The following ANXA10 variants were observed in gnomAD, a reference collection of about 807,000 sequenced individuals.
ANXA10 encodes the protein annexin A10.
A neutral mutation model predicts 53.5 loss-of-function variants in ANXA10; 49 were observed. The observed-to-expected ratio is 0.92, with a 90% CI of 0.73 to 1.16. ANXA10 has a LOEUF of 1.16. Among genes scored for constraint, ANXA10 ranks in the 50% most tolerant of loss-of-function variants. The probability of loss-of-function intolerance (pLI) is 0.00; values close to 1 mark genes in which losing one functional copy is unlikely to be tolerated. For missense variants in ANXA10, 393 were observed against 394.4 expected (o/e 1.00, Z 0.03); for synonymous variants, 131 against 128.9 (o/e 1.02, Z -0.11).
intron 3 of ANXA10, among the ~76,000 whole-genome samples, chr4:168,152,817 A>T (rs915786955): frequency 6.7e-6 from 1 of 148,658 alleles, no homozygotes; most frequent in Non-Finnish European, 1.5e-5. Flanking sequence ...TAATATATAA[A>T]TAATATCTAT....
chr4:168,133,172 G>C (rs1321502522), intron 2 of ANXA10, among the ~76,000 whole-genome samples: 1 of 152,040 alleles, frequency 6.6e-6, no homozygotes, highest in Non-Finnish European at 1.5e-5. Context: ...TAGTGCTGAA[G>C]TACTGCCTAG....
chr4:168,117,788 C>T (rs1242046694), intron 1 of ANXA10, among the ~76,000 whole-genome samples: 1 of 152,154 alleles, frequency 6.6e-6, no homozygotes. Context: ...TGTTTACCAA[C>T]TTATTCCACT....
At chr4:168,099,289 T>C (rs2149463868) in intron 1 of ANXA10, among the ~76,000 whole-genome samples, 1 of 152,268 alleles carries the variant, frequency 6.6e-6, no homozygotes, top group South Asian at 2.1e-4. Context: ...TTCATTTAGT[T>C]GCCAGTCTGA....
intron 3 of ANXA10, among the ~76,000 whole-genome samples, chr4:168,145,840 G>A (rs1731397502): frequency 6.6e-6 from 1 of 152,084 alleles, no homozygotes; most frequent in African/African-American, 2.4e-5. Flanking sequence ...AAGTCTTACT[G>A]AGCTGATCAA....
At chr4:168,165,102 C>T (rs575804160) in intron 5 of ANXA10, 145 bp from the exon 6 acceptor site, 26 of 422,244 alleles carry the variant, frequency 6.2e-5, no homozygotes, top group Admixed American at 4.8e-4. Flanking sequence ...CTTTGGCAGA[C>T]GGTTTATTGA....
intron 6 of ANXA10, among the ~76,000 whole-genome samples, chr4:168,169,852 G>T (rs1422748906): frequency 1.3e-5 from 2 of 152,118 alleles, no homozygotes; most frequent in Non-Finnish European, 2.9e-5. Flanking sequence ...TAAAGGTTGA[G>T]CTATAAACCA....
intron 2 of ANXA10, among the ~76,000 whole-genome samples, chr4:168,137,563 T>TA (rs1242570573): frequency 6.6e-6 from 1 of 152,192 alleles, no homozygotes; most frequent in Non-Finnish European, 1.5e-5. Context: ...TCACTTAGGA[T>TA]AATGGCCTCT....
chr4:168,165,813 A>G (rs1731868032), intron 6 of ANXA10, among the ~76,000 whole-genome samples: 1 of 152,164 alleles, frequency 6.6e-6, no homozygotes, highest in Admixed American at 6.5e-5. Context: ...TGTAGCTGGG[A>G]CTCAAGGCAC....
rs1491476504 is a variant in ANXA10 at position 168,153,979 on chromosome 4, T to TAC, written c.196-8548_196-8547insCA. Among the ~76,000 whole-genome samples, 729 of 102,872 alleles carry TAC rather than the reference T, an allele frequency of 7.1e-3. 4 individuals carry two copies. Among genetic ancestry groups the TAC allele is most frequent in the African/African-American group, 0.023 (589 of 25,974 alleles). 67.5% of individuals were successfully genotyped at this position (102,872 alleles called of 152,430 possible). A position where few individuals can be genotyped will look rare whatever the true frequency, so the allele number is the denominator to read the frequency against. ...TTAGTTCACTGTAACTATAGCTATG[T>TAC]ATACACACACACACACACACACACG... On this transcript the variant is annotated intron_variant, in intron 3 of 11. Coordinates refer to ENST00000359299, the MANE Select transcript of ANXA10 (RefSeq NM_007193.5).
chr4:168,158,058 T>C (rs1330615811), intron 3 of ANXA10, among the ~76,000 whole-genome samples: 4 of 152,290 alleles, frequency 2.6e-5, no homozygotes, highest in South Asian at 4.1e-4. Flanking sequence ...TTCTGATCAG[T>C]GATGACAGTT....
chr4:168,164,756 T>C (rs1167942039), intron 5 of ANXA10, among the ~76,000 whole-genome samples: 1 of 152,206 alleles, frequency 6.6e-6, no homozygotes, highest in Non-Finnish European at 1.5e-5. Flanking sequence ...CTATTTTCAC[T>C]TTCAAAAAGG....
At chr4:168,181,627 C>G in intron 9 of ANXA10, 56 bp from the exon 10 acceptor site, 1 of 1,384,410 alleles carries the variant, frequency 7.2e-7, no homozygotes. Context: ...CAAATTCTGA[C>G]GAAAATATAT....
intron 4 of ANXA10, 52 bp downstream of exon 4, chr4:168,162,693 A>G (rs1167061528): frequency 1.4e-6 from 2 of 1,437,080 alleles, no homozygotes; most frequent in East Asian, 2.3e-5. Flanking sequence ...CCAGTATTTC[A>G]GTAGAGGGGA....
rs796596232 is a variant in ANXA10 at position 168,109,951 on chromosome 4, C to T, written c.18+17233C>T. Among the ~76,000 whole-genome samples the T allele has an allele frequency of 3.3e-5, 5 of 152,308 alleles. No individual in the cohort carries two copies. The East Asian group carries it at 7.7e-4, about 24-fold the overall frequency. On this transcript the variant is annotated intron_variant, in intron 1 of 11. Coordinates refer to ENST00000359299, the MANE Select transcript of ANXA10 (RefSeq NM_007193.5). ...TTAGGCCGGGCACGGTGGCTCACGC[C>T]AGTAATCCCAGCACTTCGGGAGGCC...
At chr4:168,135,916 T>C (rs962788553) in intron 2 of ANXA10, among the ~76,000 whole-genome samples, 1 of 152,192 alleles carries the variant, frequency 6.6e-6, no homozygotes, top group African/African-American at 2.4e-5. Context: ...AGACATTTAA[T>C]TGGCTCATGG....
chr4:168,122,914 C>T (rs917178889), intron 1 of ANXA10, among the ~76,000 whole-genome samples: 2 of 152,148 alleles, frequency 1.3e-5, no homozygotes, highest in Non-Finnish European at 2.9e-5. Flanking sequence ...TATTTAGCGT[C>T]ATTTCAAGTT....
chr4:168,134,452 T>C (rs888710505), intron 2 of ANXA10, among the ~76,000 whole-genome samples: 1 of 152,124 alleles, frequency 6.6e-6, no homozygotes, highest in Non-Finnish European at 1.5e-5. Context: ...GAGCGCTAGA[T>C]TGTGGATAAT....
intron 3 of ANXA10, among the ~76,000 whole-genome samples, chr4:168,149,947 T>C (rs1731470598): frequency 6.6e-6 from 1 of 152,186 alleles, no homozygotes. Context: ...CAGACTTGAT[T>C]CCCTGTGTTA....
In ANXA10 at chr4:168,149,006, C is replaced by T. The variant is rs114232789; in HGVS notation, c.195+9426C>T. On this transcript the variant is annotated intron_variant, in intron 3 of 11. Transcript: ENST00000359299. ...GCCCTTATCGACACTTCTGAGAAAACTCTTCTGACATCAAGAGGTATTATT... is the reference window on the plus strand; with the variant it reads ...GCCCTTATCGACACTTCTGAGAAAATTCTTCTGACATCAAGAGGTATTATT... 6.2e-3 allele frequency among the ~76,000 whole-genome samples: 944 copies of T among 152,158 alleles called. 6 individuals carry two copies. The highest frequency in any genetic ancestry group is 0.021 in the African/African-American group (866 of 41,530).
Sources: allele counts gnomAD v4.1 joint callset (sites outside exome capture counted in the v4.1 genomes callset), GRCh38; gene constraint gnomAD v4.1.1; transcripts MANE v1.5; gene names NCBI Gene and HGNC (gene_info 2026-07-23, HGNC 2026-07-21).